The following TMEM108 variants were observed in gnomAD, a reference collection of about 807,000 sequenced individuals.
TMEM108 encodes cancer/testis antigen 124.
In TMEM108, 12 loss-of-function variants were observed where a neutral mutation model predicts 35.1. The ratio of observed to expected loss-of-function variants is 0.34; its 90% CI spans 0.22 to 0.55. The LOEUF (loss-of-function observed/expected upper bound fraction) is 0.55, where lower values mean the gene tolerates loss of function less well. TMEM108 is among the 20% of genes least tolerant of loss of function. The pLI is 0.89. For synonymous variants in TMEM108, 287 were observed against 308.6 expected (o/e 0.93, Z 0.73); for missense variants, 680 against 753.3 (o/e 0.90, Z 1.14).
At chr3:133,103,075 C>T (rs536829215) in intron 2 of TMEM108, among the ~76,000 whole-genome samples, 1 of 152,268 alleles carries the variant, frequency 6.6e-6, no homozygotes, top group East Asian at 1.9e-4. Flanking sequence ...TCAGCAATTC[C>T]ATTATTAGGT....
At chr3:133,140,811 G>C (rs955835980) in intron 2 of TMEM108, among the ~76,000 whole-genome samples, 1 of 152,152 alleles carries the variant, frequency 6.6e-6, no homozygotes, top group Non-Finnish European at 1.5e-5. Flanking sequence ...GAATGGGATA[G>C]AAACTAGTCA....
intron 2 of TMEM108, chr3:133,121,031 C>T (rs1267468160): frequency 1.3e-5 from 2 of 152,232 alleles, no homozygotes; most frequent in Non-Finnish European, 2.9e-5. Context: ...CATCCCTTCC[C>T]ATTTGCTCAC....
chr3:133,391,556 C>A (rs1052678856), intron 5 of TMEM108, among the ~76,000 whole-genome samples: 1 of 152,232 alleles, frequency 6.6e-6, no homozygotes, highest in Non-Finnish European at 1.5e-5. Flanking sequence ...CCCAGGCCAA[C>A]TTTCCAGCCT....
At chr3:133,320,798 C>T (rs755961673) in intron 3 of TMEM108, among the ~76,000 whole-genome samples, 1 of 152,138 alleles carries the variant, frequency 6.6e-6, no homozygotes, top group Non-Finnish European at 1.5e-5. Context: ...AAAGGAAAAC[C>T]TATTAGATTA....
chr3:133,267,363 C>A (rs995734883), intron 3 of TMEM108, among the ~76,000 whole-genome samples: 4 of 152,086 alleles, frequency 2.6e-5, no homozygotes, highest in African/African-American at 9.7e-5. Context: ...AGCGGAGAGG[C>A]GTCTGCTCAA....
intron 3 of TMEM108, among the ~76,000 whole-genome samples, chr3:133,304,679 T>G (rs920996833): frequency 6.6e-6 from 1 of 152,190 alleles, no homozygotes; most frequent in Non-Finnish European, 1.5e-5. Context: ...TATCAAAATT[T>G]TATTCCTTTT....
chr3:133,070,478 G>A (rs1413641307), intron 2 of TMEM108, among the ~76,000 whole-genome samples: 2 of 152,050 alleles, frequency 1.3e-5, no homozygotes, highest in African/African-American at 4.8e-5. Flanking sequence ...ATTTAAAGGT[G>A]GATTCTCCAT....
In TMEM108 at chr3:133,386,309, T is replaced by G. The variant is rs2073148128; in HGVS notation, c.1451-3871T>G. ...GTGATGATTATTCATCTTATTGTTTTTAAGATTTGCAATGCCTGCTCAAAC... is the reference window on the plus strand; with the variant it reads ...GTGATGATTATTCATCTTATTGTTTGTAAGATTTGCAATGCCTGCTCAAAC... On this transcript the variant is annotated intron_variant, in intron 4 of 5. Transcript: ENST00000321871. 2.5e-6 allele frequency: 3 copies of G among 1,219,114 alleles called. No individual in the cohort carries two copies. In the African/African-American group the frequency reaches 4.5e-5, roughly 18 times the overall value. The allele number at this position is 1,219,114 out of a possible 1,614,324, so 75.5% of individuals were successfully genotyped here.
intron 4 of TMEM108, among the ~76,000 whole-genome samples, chr3:133,385,695 T>C (rs1215521424): frequency 1.3e-5 from 2 of 152,200 alleles, no homozygotes; most frequent in Non-Finnish European, 2.9e-5. Context: ...CCTGCATAGA[T>C]CATTAGAGAG....
chr3:133,244,917 GTTA>G (rs1946364328), intron 3 of TMEM108, among the ~76,000 whole-genome samples: 1 of 152,164 alleles, frequency 6.6e-6, no homozygotes, highest in Admixed American at 6.5e-5. Flanking sequence ...ACCCTTTGAT[GTTA>G]TATGAGAGTG....
rs576432309 is a variant in TMEM108 at position 133,052,578 on chromosome 3, T to A, written c.-47+6558T>A. On this transcript the variant is annotated intron_variant, in intron 2 of 5. Transcript: ENST00000321871. ...AAAAAGTAGTGACAGTGCACTTCCC[T>A]GCTTTGTTCCTGATCTCAATAGGAA... is the stretch of plus-strand genomic sequence containing the variant. Among the ~76,000 whole-genome samples the A allele has an allele frequency of 3.3e-5, 5 of 151,406 alleles. 1 individual carries two copies. Among genetic ancestry groups the A allele is most frequent in the African/African-American group, 1.2e-4 (5 of 41,408 alleles).
At chr3:133,124,209 G>C (rs1431984906) in intron 2 of TMEM108, among the ~76,000 whole-genome samples, 2 of 152,164 alleles carry the variant, frequency 1.3e-5, no homozygotes, top group South Asian at 4.1e-4. Flanking sequence ...ATTTGGGACC[G>C]TGTTGTTTCC....
chr3:133,090,418 T>C (rs1423394916), intron 2 of TMEM108, among the ~76,000 whole-genome samples: 1 of 152,274 alleles, frequency 6.6e-6, no homozygotes, highest in Non-Finnish European at 1.5e-5. Flanking sequence ...GCTGCTGTAT[T>C]GTTGGGATTA....
chr3:133,077,167 T>G (rs887781469), intron 2 of TMEM108, among the ~76,000 whole-genome samples: 3 of 152,232 alleles, frequency 2.0e-5, no homozygotes, highest in African/African-American at 7.2e-5. Flanking sequence ...AGTGGGTACC[T>G]GGCCGTTTGG....
intron 2 of TMEM108, among the ~76,000 whole-genome samples, chr3:133,114,039 A>G (rs1944257543): frequency 6.6e-6 from 1 of 152,230 alleles, no homozygotes; most frequent in Non-Finnish European, 1.5e-5. Context: ...AGCCATGTCT[A>G]GAAAAAGCAT....
In TMEM108 at chr3:133,390,238, C is replaced by T. The variant is rs1331012990; in HGVS notation, c.1509C>T (p.Asn503=). 6.2e-7 allele frequency: 1 copy of T among 1,614,208 alleles called. No individual in the cohort carries two copies. Among genetic ancestry groups the T allele is most frequent in the Non-Finnish European group, 8.5e-7 (1 of 1,180,032 alleles). ...KRKKKTANPE[N]NLSYWNNTIT... ...AGAAGAAGACCGCCAACCCGGAGAA[C>T]AACCTGAGCTACTGGAACAACACCA... is the stretch of plus-strand genomic sequence containing the variant. The change falls in exon 5 of 6, where the codon AAC becomes AAT. Residue 503 remains asparagine (N), a synonymous_variant. Coordinates refer to ENST00000321871, the MANE Select transcript of TMEM108 (RefSeq NM_023943.4).
chr3:133,344,702 G>T lies in TMEM108; in HGVS notation c.41-35050G>T, dbSNP rs146738947. On this transcript the variant is annotated intron_variant, in intron 3 of 5. Transcript: ENST00000321871. ...AATAAAATGTGCACCTTTCAGTCTA[G>T]TAAGGGAAAATGTGAATTTAGTAAG... Among the ~76,000 whole-genome samples the T allele has an allele frequency of 2.8e-3, 432 of 151,852 alleles. 3 individuals are homozygous for T. Among genetic ancestry groups the T allele is most frequent in the African/African-American group, 0.01 (420 of 41,532 alleles).
At chr3:133,159,348 C>T (rs1457834610) in intron 2 of TMEM108, among the ~76,000 whole-genome samples, 1 of 152,188 alleles carries the variant, frequency 6.6e-6, no homozygotes, top group African/African-American at 2.4e-5. Context: ...TGTTTTAAAA[C>T]ATTAATACAT....
chr3:133,173,848 G>T (rs1470504169), intron 2 of TMEM108, among the ~76,000 whole-genome samples: 1 of 152,210 alleles, frequency 6.6e-6, no homozygotes, highest in African/African-American at 2.4e-5. Flanking sequence ...AGTGGGTGCA[G>T]TGCACCAAGT....
Sources: allele counts gnomAD v4.1 joint callset (sites outside exome capture counted in the v4.1 genomes callset), GRCh38; gene constraint gnomAD v4.1.1; transcripts MANE v1.5; gene names NCBI Gene and HGNC (gene_info 2026-07-23, HGNC 2026-07-21).